The following KCNMA1 variants were observed in gnomAD, a reference collection of about 807,000 sequenced individuals.
KCNMA1 encodes Calcium-activated potassium channel subunit alpha-1.
Under a neutral mutation model 140.0 loss-of-function variants are expected in KCNMA1, and 29 were observed. The observed-to-expected ratio is 0.21, with a 90% CI of 0.15 to 0.28. The LOEUF (loss-of-function observed/expected upper bound fraction) is 0.28, where lower values mean the gene tolerates loss of function less well. Ranked by LOEUF, KCNMA1 falls within the 10% of genes least tolerant of loss-of-function variation. The probability of loss-of-function intolerance (pLI) is 1.00; values close to 1 mark genes in which losing one functional copy is unlikely to be tolerated. For synonymous variants in KCNMA1, 612 were observed against 611.9 expected (o/e 1.00, Z 0.00); for missense variants, 880 against 1,602.2 (o/e 0.55, Z 7.70).
chr10:76,910,111 AAAT>A lies in KCNMA1; in HGVS notation c.3017-18_3017-16del. 1 of 1,613,644 alleles carries A rather than the reference AAAT, an allele frequency of 6.2e-7. No individual in the cohort carries two copies. Reference sequence around the variant, plus strand: ...AGTATCGTTCACTAGAAAAAGCATAAAATAAGAATTAGCTCTGAAGACCACACA... The same window carrying A: ...AGTATCGTTCACTAGAAAAAGCATAAAAGAATTAGCTCTGAAGACCACACA... On this transcript the variant is annotated splice_polypyrimidine_tract_variant and intron_variant, in intron 24 of 27. Coordinates refer to ENST00000286628, the MANE Select transcript of KCNMA1 (RefSeq NM_001161352.2).
intron 2 of KCNMA1, among the ~76,000 whole-genome samples, chr10:77,281,084 A>T (rs1053350277): frequency 1.4e-4 from 12 of 86,892 alleles, no homozygotes; most frequent in African/African-American, 5.5e-4. Flanking sequence ...CACAAATTGG[A>T]AAAGATTTTC....
At chr10:77,570,020 A>T (rs2070311561) in intron 1 of KCNMA1, among the ~76,000 whole-genome samples, 1 of 152,034 alleles carries the variant, frequency 6.6e-6, no homozygotes, top group Non-Finnish European at 1.5e-5. Flanking sequence ...AGAAATGCAA[A>T]TCAAAACCAC....
chr10:77,107,975 A>T (rs2097231239), intron 9 of KCNMA1, among the ~76,000 whole-genome samples: 1 of 152,180 alleles, frequency 6.6e-6, no homozygotes, highest in African/African-American at 2.4e-5. Context: ...GAATTTTATC[A>T]CATAGCCAGA....
At chr10:77,384,791 G>A (rs950528286) in intron 2 of KCNMA1, among the ~76,000 whole-genome samples, 3 of 152,328 alleles carry the variant, frequency 2.0e-5, no homozygotes, top group African/African-American at 7.2e-5. Context: ...GCAAGCCTCT[G>A]GTTTGCTCTC....
intron 1 of KCNMA1, among the ~76,000 whole-genome samples, chr10:77,494,482 G>C (rs544280708): frequency 1.9e-4 from 29 of 152,324 alleles, no homozygotes; most frequent in Admixed American, 1.5e-3. Flanking sequence ...GAAAAGGGTA[G>C]AGTCCCCAGA....
intron 15 of KCNMA1, among the ~76,000 whole-genome samples, chr10:77,032,185 T>G (rs192240634): frequency 1.2e-3 from 179 of 152,326 alleles, no homozygotes; most frequent in Non-Finnish European, 2.1e-3. Context: ...TCTTATACCC[T>G]TATGTACCCC....
intron 1 of KCNMA1, among the ~76,000 whole-genome samples, chr10:77,544,670 C>T (rs1258877296): frequency 6.6e-6 from 1 of 152,150 alleles, no homozygotes; most frequent in South Asian, 2.1e-4. Context: ...TATAGTTTTG[C>T]CCGTCTTCCT....
At chr10:77,090,680 C>A (rs2296676) in intron 9 of KCNMA1, 170 bp from the exon 10 acceptor site, 4 of 641,452 alleles carry the variant, frequency 6.2e-6, no homozygotes, top group Non-Finnish European at 8.5e-6. Context: ...GGCAAAGCAG[C>A]GGTGCTAGCA....
chr10:76,941,014 G>GA (rs1565057589), intron 23 of KCNMA1, among the ~76,000 whole-genome samples: 335 of 28,100 alleles, frequency 0.012, 4 homozygotes, highest in African/African-American at 0.043. Context: ...AGGAAGGAAG[G>GA]AAGGAAGAAA....
chr10:77,619,905 G>A (rs370655813), intron 1 of KCNMA1, among the ~76,000 whole-genome samples: 1 of 152,200 alleles, frequency 6.6e-6, no homozygotes, highest in African/African-American at 2.4e-5. Flanking sequence ...TTGGAGGATG[G>A]AGGAGGTGGA....
chr10:77,025,994 A>AAAC (rs1175357285), intron 16 of KCNMA1, among the ~76,000 whole-genome samples: 63 of 136,218 alleles, frequency 4.6e-4, no homozygotes, highest in African/African-American at 1.7e-3. Flanking sequence ...CTGAAGAAAA[A>AAAC]AAAAATATAT....
chr10:77,594,721 C>T (rs973269364), intron 1 of KCNMA1, among the ~76,000 whole-genome samples: 2 of 152,194 alleles, frequency 1.3e-5, no homozygotes, highest in Admixed American at 1.3e-4. Flanking sequence ...ATAACAATGG[C>T]GTATGGCTGG....
chr10:77,479,493 T>A (rs902521929), intron 1 of KCNMA1, among the ~76,000 whole-genome samples: 1 of 152,084 alleles, frequency 6.6e-6, no homozygotes, highest in Non-Finnish European at 1.5e-5. Context: ...CCCCAAAGAC[T>A]CTCTGGCCCC....
intron 2 of KCNMA1, among the ~76,000 whole-genome samples, chr10:77,348,871 G>A (rs911609964): frequency 1.3e-5 from 2 of 151,930 alleles, no homozygotes; most frequent in Non-Finnish European, 2.9e-5. Flanking sequence ...GCAAAGGAAG[G>A]TGCTGGAATT....
At chr10:77,014,020 T>TA (rs1244338760) in intron 17 of KCNMA1, among the ~76,000 whole-genome samples, 1 of 152,262 alleles carries the variant, frequency 6.6e-6, no homozygotes, top group Admixed American at 6.5e-5. Context: ...ATATGTGTGG[T>TA]ATGCAACACA....
chr10:77,016,454 A>G (rs2153471956), intron 17 of KCNMA1, among the ~76,000 whole-genome samples: 1 of 152,292 alleles, frequency 6.6e-6, no homozygotes, highest in Admixed American at 6.5e-5. Flanking sequence ...CGACTTATAC[A>G]CATTTGATGG....
At chr10:77,078,244 G>T (rs2096460693) in intron 13 of KCNMA1, among the ~76,000 whole-genome samples, 1 of 152,184 alleles carries the variant, frequency 6.6e-6, no homozygotes. Flanking sequence ...AGGACACCTG[G>T]CTCCAGGTAC....
chr10:77,288,342 T>C (rs1445699804), intron 2 of KCNMA1, among the ~76,000 whole-genome samples: 1 of 152,246 alleles, frequency 6.6e-6, no homozygotes, highest in Non-Finnish European at 1.5e-5. Flanking sequence ...GTTCTGGTTC[T>C]GCCTGTGTAC....
chr10:77,558,585 C>T (rs991669672), intron 1 of KCNMA1, among the ~76,000 whole-genome samples: 2 of 152,144 alleles, frequency 1.3e-5, no homozygotes, highest in Admixed American at 6.6e-5. Flanking sequence ...TCAACCAACC[C>T]TCTTGTACAC....
Sources: allele counts gnomAD v4.1 joint callset (sites outside exome capture counted in the v4.1 genomes callset), GRCh38; gene constraint gnomAD v4.1.1; transcripts MANE v1.5; gene names NCBI Gene and HGNC (gene_info 2026-07-23, HGNC 2026-07-21).